Variants in CNTLN observed in about 807,000 individuals in gnomAD.
CNTLN encodes centlein.
CNTLN carries 212 observed loss-of-function variants against 180.0 expected under a neutral mutation model. The observed-to-expected ratio is 1.18, with a 90% CI of 1.05 to 1.32. The LOEUF (loss-of-function observed/expected upper bound fraction) is 1.32. CNTLN is among the 40% of genes most tolerant of loss of function. The pLI, the probability that CNTLN is intolerant of heterozygous loss-of-function variation, is 0.00. For missense variants in CNTLN, 2,095 were observed against 1,610.9 expected, an observed-to-expected ratio of 1.30 and a Z score of -5.14; for synonymous variants, 722 against 563.1, an observed-to-expected ratio of 1.28 and a Z score of -3.99.
chr9:17,340,168 A>C (rs914620824), intron 10 of CNTLN, among the ~76,000 whole-genome samples: 8 of 152,086 alleles, frequency 5.3e-5, no homozygotes, highest in Middle Eastern at 3.2e-3. Flanking sequence ...ATAAATAAAA[A>C]AGAAGTAGTT....
chr9:17,450,747 A>G (rs1466551793), intron 18 of CNTLN, among the ~76,000 whole-genome samples: 3 of 152,150 alleles, frequency 2.0e-5, no homozygotes, highest in Non-Finnish European at 4.4e-5. Context: ...AGAAAATAGT[A>G]TATAAATGAG....
At chr9:17,403,802 G>T (rs1485678554) in intron 15 of CNTLN, among the ~76,000 whole-genome samples, 2 of 151,678 alleles carry the variant, frequency 1.3e-5, no homozygotes, top group South Asian at 4.1e-4. Flanking sequence ...TTGAGACAGA[G>T]TCTCGCTCTG....
intron 2 of CNTLN, among the ~76,000 whole-genome samples, chr9:17,204,603 C>T (rs1164114742): frequency 6.6e-6 from 1 of 152,310 alleles, no homozygotes; most frequent in African/African-American, 2.4e-5. Flanking sequence ...TATGAGGTGT[C>T]TGTCAACCAT....
intron 5 of CNTLN, among the ~76,000 whole-genome samples, chr9:17,267,855 A>T (rs922583455): frequency 6.6e-6 from 1 of 151,862 alleles, no homozygotes; most frequent in African/African-American, 2.4e-5. Context: ...TCTGCAGTCC[A>T]CGTAGCTCTT....
chr9:17,404,798 C>T (rs145313594), intron 15 of CNTLN, among the ~76,000 whole-genome samples: 2,764 of 144,436 alleles, frequency 0.019, 141 homozygotes, highest in African/African-American at 0.067. Flanking sequence ...AGTACAGTGG[C>T]GCGATCTTGG....
In CNTLN at chr9:17,230,111, G is replaced by T. The variant is rs554230115; in HGVS notation, c.534+3824G>T. 6.6e-5 allele frequency among the ~76,000 whole-genome samples: 10 copies of T among 152,300 alleles called. No individual in the cohort carries two copies. In the South Asian group the frequency reaches 1.9e-3, roughly 28 times the overall value. On this transcript the variant is annotated intron_variant, in intron 3 of 25. Coordinates refer to ENST00000380647, the MANE Select transcript of CNTLN (RefSeq NM_017738.4). The stretch of plus-strand genomic sequence containing the variant: ...CTGTGTACAGCCAGACAATGGAAGT[G>T]ACACACAGAAATAGCCAGATTGGTT...
intron 2 of CNTLN, among the ~76,000 whole-genome samples, chr9:17,201,191 C>T (rs1223250110): frequency 2.6e-5 from 4 of 152,144 alleles, no homozygotes; most frequent in African/African-American, 4.8e-5. Context: ...CCGTCTTGAT[C>T]GTGGTGGATA....
At chr9:17,459,230 A>C (rs1268486035) in intron 19 of CNTLN, among the ~76,000 whole-genome samples, 1 of 151,878 alleles carries the variant, frequency 6.6e-6, no homozygotes, top group Non-Finnish European at 1.5e-5. Context: ...ACTTACTACA[A>C]ATGGTCTAAT....
chr9:17,252,934 A>G (rs181149020), intron 5 of CNTLN, among the ~76,000 whole-genome samples: 50 of 151,558 alleles, frequency 3.3e-4, no homozygotes, highest in Admixed American at 2.8e-3. Context: ...TCTTAAGTTT[A>G]TTTGTTGTAT....
chr9:17,236,311 A>G, intron 4 of CNTLN, 98 bp from the exon 5 acceptor site: 1 of 1,042,226 alleles, frequency 9.6e-7, no homozygotes, highest in East Asian at 2.6e-5. Flanking sequence ...GTGAGGGTAA[A>G]ACTGCACAGT....
At chr9:17,365,247 C>T (rs1331802744) in intron 12 of CNTLN, among the ~76,000 whole-genome samples, 1 of 152,140 alleles carries the variant, frequency 6.6e-6, no homozygotes, top group Non-Finnish European at 1.5e-5. Flanking sequence ...AAGTGTGTAG[C>T]ACCTCCCTCT....
intron 6 of CNTLN, among the ~76,000 whole-genome samples, chr9:17,276,586 A>T (rs527906640): frequency 6.8e-4 from 103 of 152,118 alleles, no homozygotes; most frequent in African/African-American, 2.5e-3. Flanking sequence ...TGTGAACTCT[A>T]CCTCAAATGA....
chr9:17,153,689 G>A (rs538091247), intron 2 of CNTLN, among the ~76,000 whole-genome samples: 3 of 152,094 alleles, frequency 2.0e-5, no homozygotes, highest in African/African-American at 7.2e-5. Flanking sequence ...TCCTGAATTT[G>A]AATGTTGTCC....
chr9:17,414,663 C>G (rs984788942), intron 16 of CNTLN, among the ~76,000 whole-genome samples: 1 of 152,150 alleles, frequency 6.6e-6, no homozygotes, highest in Non-Finnish European at 1.5e-5. Context: ...TAGATATAGG[C>G]TTCTGTTCCA....
chr9:17,135,262 G>A lies in CNTLN; in HGVS notation c.197G>A (p.Arg66Gln), dbSNP rs1384274437. The A allele has an allele frequency of 6.2e-7, 1 of 1,603,696 alleles. No individual in the cohort carries two copies. Among genetic ancestry groups the A allele is most frequent in the Admixed American group, 1.7e-5 (1 of 58,438 alleles). The change falls in exon 1 of 26, where the codon CGG (arginine) becomes CAG (glutamine). Residue 66 changes from arginine to glutamine, a missense_variant. By Grantham distance (43) the Arg-to-Gln change is conservative. Coordinates refer to ENST00000380647, the MANE Select transcript of CNTLN (RefSeq NM_017738.4). ...GTGGGTGAAGAAGGGTCAGGGGGCC[G>A]GCGAGGGCCTGGGGGGGCAGCTCCG... ...IWVGEEGSGG[R>Q]RGPGGAAPAH... is the part of the protein sequence containing the mutation.
At chr9:17,342,791 T>A (rs1299109701) in intron 12 of CNTLN, among the ~76,000 whole-genome samples, 1 of 152,190 alleles carries the variant, frequency 6.6e-6, no homozygotes, top group Non-Finnish European at 1.5e-5. Context: ...TAGCCAGCCA[T>A]CCTTGTTTGA....
At chr9:17,283,254 CTT>C (rs1216663240) in intron 6 of CNTLN, among the ~76,000 whole-genome samples, 1 of 152,116 alleles carries the variant, frequency 6.6e-6, no homozygotes, top group Non-Finnish European at 1.5e-5. Flanking sequence ...TTTGCCCTCT[CTT>C]ATTTCTTTGA....
At chr9:17,271,107 C>G (rs567853742) in intron 5 of CNTLN, among the ~76,000 whole-genome samples, 1 of 151,910 alleles carries the variant, frequency 6.6e-6, no homozygotes, top group Non-Finnish European at 1.5e-5. Flanking sequence ...CCCGCCACCA[C>G]GCCCGGCTAA....
chr9:17,210,831 CTG>C (rs1456714158), intron 2 of CNTLN, among the ~76,000 whole-genome samples: 8 of 152,260 alleles, frequency 5.3e-5, no homozygotes, highest in African/African-American at 1.9e-4. Flanking sequence ...TTTCATGTGT[CTG>C]TTGGCTGCAT....
Sources: allele counts gnomAD v4.1 joint callset (sites outside exome capture counted in the v4.1 genomes callset), GRCh38; gene constraint gnomAD v4.1.1; transcripts MANE v1.5; gene names NCBI Gene and HGNC (gene_info 2026-07-23, HGNC 2026-07-21).